Variants in ATP7B observed in about 807,000 individuals in gnomAD.
ATP7B encodes the protein copper-transporting ATPase 2.
A neutral mutation model predicts 118.9 loss-of-function variants in ATP7B; 113 were observed. The ratio of observed to expected loss-of-function variants is 0.95; its 90% CI spans 0.82 to 1.11. The LOEUF (loss-of-function observed/expected upper bound fraction) is 1.11. ATP7B is among the 50% of genes most tolerant of loss of function. ATP7B has a pLI of 0.00. For synonymous variants in ATP7B, 777 were observed against 727.4 expected, an observed-to-expected ratio of 1.07 and a Z score of -1.10; for missense variants, 1,867 against 1,871.4, an observed-to-expected ratio of 1.00 and a Z score of 0.04.
chr13:51,974,975 T>C lies in ATP7B; in HGVS notation c.245A>G (p.Asn82Ser), dbSNP rs1555296815. 1.9e-6 allele frequency: 3 copies of C among 1,614,234 alleles called. No homozygotes were observed. Among genetic ancestry groups the C allele is most frequent in the Middle Eastern group, 1.6e-4 (1 of 6,062 alleles). The change falls in exon 2 of 21, where the codon AAT (asparagine) becomes AGT (serine). Residue 82 changes from asparagine to serine, a missense_variant. Coordinates refer to ENST00000242839, the MANE Select transcript of ATP7B (RefSeq NM_000053.4). ...CTTCATGCTGATGATGCCTTTCAAATTGGAAATCCTGTCCTCAATGGACTT... is the reference window on the plus strand; with the variant it reads ...CTTCATGCTGATGATGCCTTTCAAACTGGAAATCCTGTCCTCAATGGACTT... ...CVKSIEDRIS[N>S]LKGIISMKVS...
intron 1 of ATP7B, among the ~76,000 whole-genome samples, chr13:52,010,018 A>G (rs1187109969): frequency 6.6e-6 from 1 of 152,138 alleles, no homozygotes. Context: ...ACAGGTCAAC[A>G]TGGGCAGGAG....
In ATP7B at chr13:51,974,496, T is replaced by C; in HGVS notation, c.724A>G (p.Asn242Asp). Residue 242 changes from asparagine (N) to aspartate (D), a missense_variant, in exon 2 of 21, where the codon AAT (asparagine) becomes GAT (aspartate). Asn to Asp is a conservative substitution (Grantham distance 23, BLOSUM62 1). Transcript: ENST00000242839. The stretch of plus-strand genomic sequence containing the variant: ...CCCAAGGTCTCAGAATTATTAAAAT[T>C]CTGGTTAGCAGAAGATAAAGGTCTC... ...PKRPLSSANQ[N>D]FNNSETLGHQ... 1 of 1,614,136 alleles carries C rather than the reference T, an allele frequency of 6.2e-7. No homozygotes were observed. Among genetic ancestry groups the C allele is most frequent in the African/African-American group, 1.3e-5 (1 of 75,032 alleles).
At chr13:51,997,079 T>C (rs1953246523) in intron 1 of ATP7B, among the ~76,000 whole-genome samples, 1 of 152,192 alleles carries the variant, frequency 6.6e-6, no homozygotes, top group Non-Finnish European at 1.5e-5. Flanking sequence ...ATCAGGTGCA[T>C]CTGTGATTGC....
In ATP7B at chr13:51,937,590, G is replaced by A. The variant is rs948094111; in HGVS notation, c.3789C>T (p.Ala1263=). ...QELQNKGKKV[A]MVGDGVNDSP... is the part of the protein sequence containing the mutation. ...AGTCATTGACCCCATCCCCCACCAT[G>A]GCGACTTTCTTCCCTTTATTCTGGA... Residue 1263 remains alanine, a synonymous_variant, in exon 18 of 21, where the codon GCC becomes GCT. Coordinates refer to ENST00000242839, the MANE Select transcript of ATP7B (RefSeq NM_000053.4). 1.2e-6 allele frequency: 2 copies of A among 1,614,130 alleles called. No individual in the cohort carries two copies. The highest frequency in any genetic ancestry group is 1.3e-5 in the African/African-American group (1 of 74,942).
chr13:51,979,878 A>C (rs1249329915), intron 1 of ATP7B, among the ~76,000 whole-genome samples: 1 of 152,268 alleles, frequency 6.6e-6, no homozygotes, highest in Non-Finnish European at 1.5e-5. Flanking sequence ...AACACTACTC[A>C]GAGGCCCCCC....
chr13:51,966,034 A>G (rs1366095022), intron 4 of ATP7B, among the ~76,000 whole-genome samples: 1 of 152,142 alleles, frequency 6.6e-6, no homozygotes, highest in Non-Finnish European at 1.5e-5. Context: ...AAAACTTAGG[A>G]GCTTATCTGT....
chr13:51,956,915 T>A (rs1362474907), intron 9 of ATP7B, among the ~76,000 whole-genome samples: 1 of 152,164 alleles, frequency 6.6e-6, no homozygotes, highest in East Asian at 1.9e-4. Flanking sequence ...CTGTGTGACC[T>A]TGGGCCAGTT....
At chr13:52,007,258 C>A (rs1396377725) in intron 1 of ATP7B, among the ~76,000 whole-genome samples, 1 of 152,128 alleles carries the variant, frequency 6.6e-6, no homozygotes, top group Non-Finnish European at 1.5e-5. Context: ...GGTGGTATGA[C>A]CAAGTGTCAA....
At chr13:51,991,873 C>T (rs866906119) in intron 1 of ATP7B, among the ~76,000 whole-genome samples, 1 of 152,134 alleles carries the variant, frequency 6.6e-6, no homozygotes, top group Non-Finnish European at 1.5e-5. Context: ...CTATTTCCCC[C>T]TTTTCATAAT....
intron 1 of ATP7B, among the ~76,000 whole-genome samples, chr13:51,981,156 G>A (rs975427308): frequency 2.6e-5 from 4 of 152,164 alleles, no homozygotes; most frequent in Non-Finnish European, 5.9e-5. Context: ...TTTAAACGCT[G>A]CTGAGAAATC....
Position 51,934,439 on chromosome 13 carries a change from A to C in ATP7B, c.*317T>G. ...TTCTCCATTTCACAGCAGTCATCCT[A>C]AATACTCCAAGCAGAGGTCTGTGAG... is the stretch of plus-strand genomic sequence containing the variant. On this transcript the variant is annotated 3_prime_UTR_variant, in exon 21 of 21. Coordinates refer to ENST00000242839, the MANE Select transcript of ATP7B (RefSeq NM_000053.4). 2.4e-6 allele frequency: 1 copy of C among 419,848 alleles called. No homozygotes were observed. Among genetic ancestry groups the C allele is most frequent in the Non-Finnish European group, 4.5e-6 (1 of 222,154 alleles). The allele number at this position is 419,848 out of a possible 1,614,324, so 26.0% of individuals were successfully genotyped here.
chr13:52,007,211 T>C (rs1953813929), intron 1 of ATP7B, among the ~76,000 whole-genome samples: 1 of 152,200 alleles, frequency 6.6e-6, no homozygotes, highest in African/African-American at 2.4e-5. Flanking sequence ...AGCACAGAGT[T>C]GCAAATAAAA....
chr13:51,984,131 A>G (rs937234011), intron 1 of ATP7B, among the ~76,000 whole-genome samples: 7 of 152,170 alleles, frequency 4.6e-5, no homozygotes, highest in Non-Finnish European at 1.0e-4. Context: ...CTAAAGTAGC[A>G]TGTTCTAACC....
Position 51,964,858 on chromosome 13 carries a change from A to G in ATP7B, c.1869+14T>C. On this transcript the variant is annotated intron_variant, in intron 5 of 20. Transcript: ENST00000242839. The stretch of plus-strand genomic sequence containing the variant: ...TTTAAAAAGGTGACTACAATTTTTT[A>G]ATGAATTACTTACCTCAATAATTTT... 6.2e-7 allele frequency: 1 copy of G among 1,612,578 alleles called. No homozygotes were observed. Among genetic ancestry groups the G allele is most frequent in the Non-Finnish European group, 8.5e-7 (1 of 1,178,656 alleles).
intron 1 of ATP7B, among the ~76,000 whole-genome samples, chr13:51,981,837 A>G (rs908170681): frequency 6.6e-6 from 1 of 152,172 alleles, no homozygotes; most frequent in African/African-American, 2.4e-5. Context: ...TTAAAAAAAC[A>G]AGTGTTACTT....
chr13:51,943,896 A>G (rs534873470), intron 14 of ATP7B, among the ~76,000 whole-genome samples: 2 of 152,154 alleles, frequency 1.3e-5, no homozygotes, highest in East Asian at 3.9e-4. Context: ...TGTTCAGCAA[A>G]TGCCTGTGAC....
chr13:51,971,631 A>G (rs944979336), intron 2 of ATP7B, among the ~76,000 whole-genome samples: 3 of 152,252 alleles, frequency 2.0e-5, no homozygotes, highest in Non-Finnish European at 4.4e-5. Context: ...TACAGGATTT[A>G]CTGTTCTATT....
intron 1 of ATP7B, among the ~76,000 whole-genome samples, chr13:51,989,040 G>T (rs927277640): frequency 1.3e-4 from 20 of 152,000 alleles, no homozygotes; most frequent in African/African-American, 4.8e-4. Context: ...ATGTACCCCA[G>T]AACTTAAAGT....
chr13:51,958,380 T>A lies in ATP7B; in HGVS notation c.2286A>T (p.Thr762=), dbSNP rs750477816. The A allele has an allele frequency of 1.2e-5, 20 of 1,614,066 alleles. No homozygotes were observed. Among genetic ancestry groups the A allele is most frequent in the Non-Finnish European group, 1.7e-5 (20 of 1,180,032 alleles). The change falls in exon 8 of 21, where the codon ACA becomes ACT. Residue 762 remains threonine (T), a synonymous_variant. Coordinates refer to ENST00000242839, the MANE Select transcript of ATP7B (RefSeq NM_000053.4). ...VAEKAERSPV[T]FFDTPPMLFV... is the part of the protein sequence containing the mutation. Reference sequence around the variant, plus strand: ...AGAGCATGGGGGGCGTGTCGAAGAATGTCACAGGGCTCCTCTCCGCCTTCT... The same window carrying A: ...AGAGCATGGGGGGCGTGTCGAAGAAAGTCACAGGGCTCCTCTCCGCCTTCT...
Sources: gnomAD v4.1 joint callset for allele counts (sites outside exome capture counted in the v4.1 genomes callset) on GRCh38, gnomAD v4.1.1 for gene constraint, MANE v1.5 for transcripts, NCBI Gene and HGNC (gene_info 2026-07-23, HGNC 2026-07-21) for gene names.